The following NRCAM variants were observed in gnomAD, a reference collection of about 807,000 sequenced individuals.
NRCAM encodes NgCAM-related cell adhesion molecule.
A neutral mutation model predicts 156.5 loss-of-function variants in NRCAM; 83 were observed. That is an observed-to-expected ratio of 0.53 (90% confidence interval 0.44 to 0.64). The LOEUF is 0.64. Ranked by LOEUF, NRCAM falls within the 30% of genes least tolerant of loss-of-function variation. NRCAM has a pLI of 0.00. For synonymous variants in NRCAM, 538 were observed against 563.9 expected (o/e 0.95, Z 0.65); for missense variants, 1,417 against 1,597.3 (o/e 0.89, Z 1.92).
At chr7:108,255,762 G>C (rs565742573) in intron 3 of NRCAM, among the ~76,000 whole-genome samples, 1,890 of 147,990 alleles carry the variant, frequency 0.013, 13 homozygotes, top group Non-Finnish European at 0.021. Flanking sequence ...GATCTGAGGA[G>C]TGTCTCTGCC....
At chr7:108,430,132 T>A (rs1020195634) in intron 1 of NRCAM, among the ~76,000 whole-genome samples, 1 of 152,210 alleles carries the variant, frequency 6.6e-6, no homozygotes, top group Admixed American at 6.5e-5. Context: ...GCAGGGGTCA[T>A]GTCCAGTAGT....
At chr7:108,387,334 G>A (rs907370632) in intron 2 of NRCAM, among the ~76,000 whole-genome samples, 2 of 152,082 alleles carry the variant, frequency 1.3e-5, no homozygotes, top group Non-Finnish European at 2.9e-5. Flanking sequence ...TCTACCAAAG[G>A]AAATGTTGTA....
intron 2 of NRCAM, among the ~76,000 whole-genome samples, chr7:108,348,119 T>C (rs2099382994): frequency 6.6e-6 from 1 of 152,246 alleles, no homozygotes; most frequent in South Asian, 2.1e-4. Flanking sequence ...ACGTAATACA[T>C]GTAACTGTGC....
intron 2 of NRCAM, among the ~76,000 whole-genome samples, chr7:108,336,706 A>C (rs2099196607): frequency 2.0e-5 from 3 of 152,174 alleles, no homozygotes; most frequent in Admixed American, 6.5e-5. Flanking sequence ...CATTTCAAAA[A>C]TTTTCCACAC....
chr7:108,278,159 C>T (rs2097712475), intron 3 of NRCAM, among the ~76,000 whole-genome samples: 1 of 152,216 alleles, frequency 6.6e-6, no homozygotes, highest in Admixed American at 6.5e-5. Flanking sequence ...TCAGTCCCTA[C>T]TGGGAGGTGT....
chr7:108,163,789 A>C (rs1178207049), intron 30 of NRCAM, among the ~76,000 whole-genome samples: 2 of 134,880 alleles, frequency 1.5e-5, no homozygotes, highest in Non-Finnish European at 1.6e-5. Flanking sequence ...CGGTAATGAG[A>C]GGTCATACCG....
At chr7:108,190,681 C>T (rs995062075) in intron 19 of NRCAM, among the ~76,000 whole-genome samples, 5 of 152,152 alleles carry the variant, frequency 3.3e-5, no homozygotes, top group African/African-American at 9.7e-5. Flanking sequence ...TTTCCAGATT[C>T]TAAAAAGCCA....
chr7:108,384,813 G>A (rs1199292721), intron 2 of NRCAM, among the ~76,000 whole-genome samples: 4 of 152,158 alleles, frequency 2.6e-5, no homozygotes, highest in African/African-American at 9.7e-5. Flanking sequence ...GAGTTGCAGT[G>A]CCTACTATTG....
rs151163923 is a variant in NRCAM at position 108,188,621 on chromosome 7, A to G, written c.2035+1024T>C. On this transcript the variant is annotated intron_variant, in intron 20 of 32. Transcript: ENST00000379028. ...AAGAGTAGAAATGCCTTGAAATCTAATGGTATTATTTTAATATAGGAAAAA... is the reference window on the plus strand; with the variant it reads ...AAGAGTAGAAATGCCTTGAAATCTAGTGGTATTATTTTAATATAGGAAAAA... Among the ~76,000 whole-genome samples, 593 of 150,960 alleles carry G rather than the reference A, an allele frequency of 3.9e-3. 8 individuals carry two copies. The highest frequency in any genetic ancestry group is 0.013 in the African/African-American group (520 of 41,208).
At position 108,195,797 on chromosome 7, in the gene NRCAM, C is replaced by T; in HGVS notation, c.1427G>A (p.Cys476Tyr). The change falls in exon 15 of 33, where the codon TGT (cysteine) becomes TAT (tyrosine). Residue 476 changes from cysteine (C) to tyrosine (Y), a missense_variant. Cys to Tyr is a radical substitution (Grantham distance 194). Transcript: ENST00000379028. ...TGGGAGAGGAGACCCAAAGAAGGCA[C>T]AGTCTAGTAAAGCAGGCCTGTTTGC... Reference protein sequence around the residue: ...VIANRPALLDCAFFGSPLPTI... With the variant: ...VIANRPALLDYAFFGSPLPTI... 1.2e-6 allele frequency: 2 copies of T among 1,613,126 alleles called. No individual in the cohort carries two copies. The highest frequency in any genetic ancestry group is 1.7e-6 in the Non-Finnish European group (2 of 1,179,310).
chr7:108,425,058 G>A (rs1231550898), intron 1 of NRCAM, among the ~76,000 whole-genome samples: 4 of 152,106 alleles, frequency 2.6e-5, no homozygotes, highest in Non-Finnish European at 5.9e-5. Flanking sequence ...GTTCAGTAAA[G>A]TCTTCCCCCA....
intron 3 of NRCAM, among the ~76,000 whole-genome samples, chr7:108,269,097 GCATTTA>G (rs1008890094): frequency 7.9e-5 from 12 of 151,346 alleles, no homozygotes; most frequent in African/African-American, 2.9e-4. Flanking sequence ...AGCAAGTGAG[GCATTTA>G]CCTCAGATGC....
intron 1 of NRCAM, among the ~76,000 whole-genome samples, chr7:108,445,805 G>A (rs1442196662): frequency 1.3e-5 from 2 of 152,128 alleles, no homozygotes; most frequent in Non-Finnish European, 2.9e-5. Context: ...TGGCACCACT[G>A]CCCTGAATCC....
In NRCAM at chr7:108,414,202, T is replaced by C. The variant is rs189700236; in HGVS notation, c.-331-14609A>G. Among the ~76,000 whole-genome samples the C allele has an allele frequency of 6.1e-3, 923 of 152,126 alleles. 41 individuals are homozygous for C. Among genetic ancestry groups the C allele is most frequent in the Admixed American group, 0.058 (891 of 15,306 alleles). ...GAGCTAAAAGATCAATTCCTTGCCA[T>C]TCCTTCTTGTGACAGACTGTTGCAA... On this transcript the variant is annotated intron_variant, in intron 1 of 32. Coordinates refer to ENST00000379028, the MANE Select transcript of NRCAM (RefSeq NM_001037132.4).
At chr7:108,445,332 G>C (rs1399352809) in intron 1 of NRCAM, among the ~76,000 whole-genome samples, 2 of 152,134 alleles carry the variant, frequency 1.3e-5, no homozygotes, top group African/African-American at 4.8e-5. Flanking sequence ...TTTTTGGAGA[G>C]TAAGGTTATA....
intron 11 of NRCAM, among the ~76,000 whole-genome samples, chr7:108,215,761 T>TATGAAGGA (rs2088155902): frequency 6.6e-6 from 1 of 151,224 alleles, no homozygotes; most frequent in Non-Finnish European, 1.5e-5. Flanking sequence ...TTTCATTTGC[T>TATGAAGGA]TGGTAAATAT....
intron 2 of NRCAM, among the ~76,000 whole-genome samples, chr7:108,367,185 G>A (rs1185204095): frequency 6.6e-6 from 1 of 152,098 alleles, no homozygotes; most frequent in African/African-American, 2.4e-5. Flanking sequence ...ACAAAGAAAG[G>A]TACCTGCTTG....
chr7:108,443,158 A>G (rs1598283254), intron 1 of NRCAM, among the ~76,000 whole-genome samples: 1 of 150,044 alleles, frequency 6.7e-6, no homozygotes, highest in East Asian at 1.9e-4. Flanking sequence ...TCTCGTTGCT[A>G]TTATTTAAAA....
chr7:108,322,801 A>T (rs529571153), intron 2 of NRCAM, among the ~76,000 whole-genome samples: 1 of 152,220 alleles, frequency 6.6e-6, no homozygotes, highest in Non-Finnish European at 1.5e-5. Context: ...GTTGCTAACT[A>T]TAGTTAAGTT....
Sources: allele counts gnomAD v4.1 joint callset (sites outside exome capture counted in the v4.1 genomes callset), GRCh38; gene constraint gnomAD v4.1.1; transcripts MANE v1.5; gene names NCBI Gene and HGNC (gene_info 2026-07-23, HGNC 2026-07-21).